The following GREB1 variants were observed in gnomAD, a reference collection of about 807,000 sequenced individuals.
The protein encoded by GREB1 is growth regulating estrogen receptor binding 1, also known as protein GREB1.
A neutral mutation model predicts 200.7 loss-of-function variants in GREB1; 106 were observed. That is an observed-to-expected ratio of 0.53 (90% confidence interval 0.45 to 0.62). The LOEUF is 0.62. GREB1 is among the 20% of genes least tolerant of loss of function. The pLI, the probability that GREB1 is intolerant of heterozygous loss-of-function variation, is 0.00. For synonymous variants in GREB1, 1,132 were observed against 1,092.4 expected (o/e 1.04, Z -0.72); for missense variants, 2,243 against 2,556.8 (o/e 0.88, Z 2.65).
chr2:11,552,878 C>T (rs1003135212), intron 1 of GREB1, among the ~76,000 whole-genome samples: 16 of 151,814 alleles, frequency 1.1e-4, no homozygotes, highest in Non-Finnish European at 1.6e-4. Flanking sequence ...GGCATGGTGG[C>T]GCACGCCTGT....
intron 1 of GREB1, among the ~76,000 whole-genome samples, chr2:11,538,778 G>A (rs201576796): frequency 8.4e-4 from 9 of 10,758 alleles, no homozygotes; most frequent in Non-Finnish European, 1.4e-3. Flanking sequence ...CTTCCTTCCC[G>A]TCTTCCTTCC....
intron 20 of GREB1, among the ~76,000 whole-genome samples, chr2:11,616,122 T>C (rs1170359521): frequency 1.3e-5 from 2 of 152,250 alleles, no homozygotes; most frequent in Non-Finnish European, 2.9e-5. Flanking sequence ...TTCTTTAGTT[T>C]CACCATCTGC....
chr2:11,490,660 T>C (rs1196004665), intron 1 of GREB1, among the ~76,000 whole-genome samples: 1 of 152,226 alleles, frequency 6.6e-6, no homozygotes, highest in Non-Finnish European at 1.5e-5. Context: ...GTGATTCTCC[T>C]CTCTCAGCCT....
chr2:11,509,031 C>T (rs867590432), intron 1 of GREB1, among the ~76,000 whole-genome samples: 59 of 151,896 alleles, frequency 3.9e-4, no homozygotes, highest in African/African-American at 1.2e-3. Context: ...CCCGCCACCA[C>T]GCCCGGCTAA....
intron 4 of GREB1, among the ~76,000 whole-genome samples, chr2:11,574,380 C>G (rs901750247): frequency 1.8e-4 from 28 of 152,162 alleles, no homozygotes; most frequent in African/African-American, 6.8e-4. Context: ...TGCCAGCCAG[C>G]CTTTGGGTCA....
chr2:11,602,310 G>T (rs1681849658), intron 16 of GREB1, 96 bp from the exon 17 acceptor site: 1 of 1,085,838 alleles, frequency 9.2e-7, no homozygotes, highest in Non-Finnish European at 1.4e-6. Flanking sequence ...TTTGGATGAA[G>T]TTGCCAACCC....
At chr2:11,562,784 G>GATCT in intron 3 of GREB1, 1 of 479,118 alleles carries the variant, frequency 2.1e-6, no homozygotes. Flanking sequence ...GAGCTCCAGA[G>GATCT]ACACCATCCT....
intron 17 of GREB1, among the ~76,000 whole-genome samples, chr2:11,604,961 A>G (rs1682113649): frequency 1.3e-5 from 2 of 152,082 alleles, no homozygotes; most frequent in South Asian, 4.2e-4. Context: ...ACTTAAAAAC[A>G]AAAGATCTAG....
chr2:11,578,133 C>T (rs904784029), intron 5 of GREB1, among the ~76,000 whole-genome samples, 164 bp from the exon 6 acceptor site: 1 of 152,212 alleles, frequency 6.6e-6, no homozygotes, highest in African/African-American at 2.4e-5. Context: ...GAGTCGCACC[C>T]CTGCCCTGGC....
intron 1 of GREB1, among the ~76,000 whole-genome samples, chr2:11,510,435 G>A (rs557206566): frequency 5.3e-5 from 8 of 152,242 alleles, no homozygotes; most frequent in Non-Finnish European, 1.0e-4. Context: ...GATTTCATTA[G>A]GGGTTGTAAA....
At chr2:11,520,951 A>G (rs1673683878) in intron 1 of GREB1, among the ~76,000 whole-genome samples, 1 of 152,142 alleles carries the variant, frequency 6.6e-6, no homozygotes. Flanking sequence ...AAGGTCACAC[A>G]GTTAGCAGGG....
At chr2:11,581,741 G>A (rs1183368695) in intron 7 of GREB1, among the ~76,000 whole-genome samples, 2 of 152,162 alleles carry the variant, frequency 1.3e-5, no homozygotes, top group African/African-American at 4.8e-5. Context: ...CAAACTGGAG[G>A]AGCCCTTAGA....
At chr2:11,552,347 T>C (rs955184974) in intron 1 of GREB1, among the ~76,000 whole-genome samples, 1 of 152,066 alleles carries the variant, frequency 6.6e-6, no homozygotes, top group Non-Finnish European at 1.5e-5. Context: ...GCAGCAGGGA[T>C]CTAGCAAAGA....
At chr2:11,544,213 ATTTG>A (rs1167664037) in intron 1 of GREB1, among the ~76,000 whole-genome samples, 5 of 151,864 alleles carry the variant, frequency 3.3e-5, no homozygotes, top group Non-Finnish European at 5.9e-5. Context: ...CCTTTTATTT[ATTTG>A]TTTGTTTGTT....
chr2:11,578,487 C>T (rs556477208), intron 6 of GREB1, 56 bp downstream of exon 6: 14 of 1,574,778 alleles, frequency 8.9e-6, no homozygotes, highest in East Asian at 4.5e-5. Context: ...GCACTGTCTC[C>T]GATGTGTCCG....
At chr2:11,530,934 G>A (rs764499367), upstream of GREB1, among the ~76,000 whole-genome samples, 1 of 152,144 alleles carries the variant, frequency 6.6e-6, no homozygotes, top group Non-Finnish European at 1.5e-5. Context: ...TGGTGTTTGC[G>A]GAGCAGACAC....
At chr2:11,575,056 G>A (rs1050915828) in intron 4 of GREB1, among the ~76,000 whole-genome samples, 3 of 152,234 alleles carry the variant, frequency 2.0e-5, no homozygotes, top group African/African-American at 7.2e-5. Context: ...CTGTGGAGAT[G>A]TTTTTAACCT....
In GREB1 at chr2:11,596,153, A is replaced by T. The variant is rs1168044991; in HGVS notation, c.1868A>T (p.Asn623Ile). Residue 623 changes from asparagine to isoleucine, a missense_variant, in exon 13 of 33, where the codon AAT (asparagine) becomes ATT (isoleucine). This residue lies in a region of GREB1 where 1,178 missense variants were observed against 1,387.4 expected (regional missense o/e 0.85). Transcript: ENST00000381486. ...DILLDKFHQE[N>I]QGHISSSLAA... is the part of the protein sequence containing the mutation. Reference sequence around the variant, plus strand: ...TTGCTGGACAAATTTCACCAGGAAAATCAAGGCCATATTTCTTCCTCACTC... The same window carrying T: ...TTGCTGGACAAATTTCACCAGGAAATTCAAGGCCATATTTCTTCCTCACTC... 2 of 1,613,610 alleles carry T rather than the reference A, an allele frequency of 1.2e-6. No individual in the cohort carries two copies. The highest frequency in any genetic ancestry group is 2.7e-5 in the African/African-American group (2 of 74,896).
Position 11,580,759 on chromosome 2 carries a change from C to T in GREB1, c.828C>T (p.Asn276=), listed in dbSNP as rs150918268. The T allele has an allele frequency of 2.3e-4, 368 of 1,614,178 alleles. 1 individual carries two copies. The highest frequency in any genetic ancestry group is 3.0e-4 in the South Asian group (27 of 91,084). The change falls in exon 7 of 33, where the codon AAC becomes AAT. Residue 276 remains asparagine, a synonymous_variant. Transcript: ENST00000381486. This position sits in a 1 kb window ranked among gnomAD's most constrained non-coding sequence, Gnocchi z 4.5. ...LNAAMGPAVF[N]GKDSPKCQQL... is the part of the protein sequence containing the mutation. The stretch of plus-strand genomic sequence containing the variant: ...CAGCAATGGGTCCGGCTGTTTTCAA[C>T]GGCAAAGATTCCCCGAAGTGCCAAC...
Sources: gnomAD v4.1 joint callset for allele counts (sites outside exome capture counted in the v4.1 genomes callset) on GRCh38, gnomAD v4.1.1 for gene constraint, gnomAD v4.1.1 regional missense constraint, Gnocchi (gnomAD v3.1) non-coding constraint, MANE v1.5 for transcripts, NCBI Gene and HGNC (gene_info 2026-07-23, HGNC 2026-07-21) for gene names.